Variants in RCAN2 observed in about 807,000 individuals in gnomAD.
RCAN2 encodes the protein regulator of calcineurin 2.
In RCAN2, 9 loss-of-function variants were observed where a neutral mutation model predicts 23.6. The ratio of observed to expected loss-of-function variants is 0.38; its 90% CI spans 0.23 to 0.67. The LOEUF (loss-of-function observed/expected upper bound fraction) is 0.67. RCAN2 is among the 30% of genes least tolerant of loss of function. The pLI, the probability that RCAN2 is intolerant of heterozygous loss-of-function variation, is 0.51. For synonymous variants in RCAN2, 109 were observed against 115.7 expected (o/e 0.94, Z 0.37); for missense variants, 273 against 302.3 (o/e 0.90, Z 0.72).
chr6:46,263,475 A>G (rs200252161), intron 2 of RCAN2, among the ~76,000 whole-genome samples: 18 of 138,888 alleles, frequency 1.3e-4, no homozygotes, highest in South Asian at 2.4e-4. Context: ...GTGTGTGTGT[A>G]TGTGTGTGTG....
chr6:46,245,039 G>A (rs1766466037), intron 4 of RCAN2, among the ~76,000 whole-genome samples: 1 of 152,238 alleles, frequency 6.6e-6, no homozygotes, highest in Non-Finnish European at 1.5e-5. Flanking sequence ...CAGTGTTTAA[G>A]CATATCACAC....
intron 2 of RCAN2, among the ~76,000 whole-genome samples, chr6:46,391,492 C>T (rs1342491323): frequency 6.6e-6 from 1 of 152,116 alleles, no homozygotes. Context: ...ATAGATAGGG[C>T]AAGAGCCTGT....
chr6:46,225,554 T>A (rs1250809939), intron 4 of RCAN2, among the ~76,000 whole-genome samples: 3 of 152,270 alleles, frequency 2.0e-5, no homozygotes, highest in African/African-American at 4.8e-5. Flanking sequence ...CACTTTTTCA[T>A]GTGTCTGTTG....
At chr6:46,444,644 G>A (rs1767647343) in intron 2 of RCAN2, among the ~76,000 whole-genome samples, 1 of 152,162 alleles carries the variant, frequency 6.6e-6, no homozygotes, top group Non-Finnish European at 1.5e-5. Context: ...CTAAGATCCT[G>A]CCCAGTGCCA....
chr6:46,389,877 A>G (rs1162928126), intron 2 of RCAN2, among the ~76,000 whole-genome samples: 1 of 152,212 alleles, frequency 6.6e-6, no homozygotes, highest in African/African-American at 2.4e-5. Context: ...CTTTTGGAAT[A>G]AAGTCTAAAG....
chr6:46,390,320 G>C (rs1163630260), intron 2 of RCAN2, among the ~76,000 whole-genome samples: 1 of 152,186 alleles, frequency 6.6e-6, no homozygotes, highest in Non-Finnish European at 1.5e-5. Context: ...ATTGTTAATA[G>C]TCTACACATC....
intron 4 of RCAN2, among the ~76,000 whole-genome samples, chr6:46,223,560 A>C (rs1271659420): frequency 6.6e-6 from 1 of 152,200 alleles, no homozygotes; most frequent in Admixed American, 6.5e-5. Context: ...CGTAAATTTC[A>C]ACATGGTAAT....
intron 2 of RCAN2, among the ~76,000 whole-genome samples, chr6:46,296,146 C>T (rs377496779): frequency 7.1e-4 from 106 of 149,954 alleles, no homozygotes; most frequent in African/African-American, 2.5e-3. Context: ...GTTGATTTCC[C>T]GACTGGGAAA....
chr6:46,443,954 CT>C (rs1227765232), intron 2 of RCAN2, among the ~76,000 whole-genome samples: 2 of 152,186 alleles, frequency 1.3e-5, no homozygotes, highest in Non-Finnish European at 2.9e-5. Flanking sequence ...TCAGCTGATT[CT>C]GGTAAATTCA....
intron 2 of RCAN2, among the ~76,000 whole-genome samples, chr6:46,290,448 A>G (rs1172253254): frequency 6.6e-6 from 1 of 152,198 alleles, no homozygotes; most frequent in Non-Finnish European, 1.5e-5. Flanking sequence ...CACTTTGTCT[A>G]TTCTTAGTTT....
chr6:46,460,675 G>A (rs1768180048), intron 1 of RCAN2, among the ~76,000 whole-genome samples: 1 of 152,078 alleles, frequency 6.6e-6, no homozygotes, highest in African/African-American at 2.4e-5. Context: ...AATCCAGATT[G>A]GTATTTCTTG....
intron 2 of RCAN2, among the ~76,000 whole-genome samples, chr6:46,314,359 CAAAA>C (rs537111154): frequency 0.033 from 3,017 of 92,176 alleles, 89 homozygotes; most frequent in African/African-American, 0.11. Context: ...GAGACTCTGT[CAAAA>C]AAAAAAAAAA....
intron 2 of RCAN2, among the ~76,000 whole-genome samples, chr6:46,270,240 G>C (rs865824433): frequency 6.6e-6 from 1 of 152,230 alleles, no homozygotes; most frequent in Admixed American, 6.5e-5. Flanking sequence ...GGGGCAGGTA[G>C]AGCCTGCTGC....
intron 2 of RCAN2, among the ~76,000 whole-genome samples, chr6:46,307,082 G>A (rs557777843): frequency 6.6e-6 from 1 of 152,164 alleles, no homozygotes; most frequent in South Asian, 2.1e-4. Context: ...TGCAGAACTA[G>A]CTTGTGTCTA....
chr6:46,388,749 G>A (rs1027056600), intron 2 of RCAN2, among the ~76,000 whole-genome samples: 2 of 152,248 alleles, frequency 1.3e-5, no homozygotes, highest in African/African-American at 2.4e-5. Context: ...GTTCAACAAT[G>A]AAAACACATG....
intron 2 of RCAN2, chr6:46,325,596 G>A (rs765833724): frequency 8.0e-5 from 116 of 1,457,530 alleles, no homozygotes; most frequent in Non-Finnish European, 1.0e-4. Flanking sequence ...CTCTGGGGAC[G>A]GCTGGAGGCT....
At chr6:46,299,722 T>C (rs1026973492) in intron 2 of RCAN2, among the ~76,000 whole-genome samples, 1 of 152,050 alleles carries the variant, frequency 6.6e-6, no homozygotes, top group South Asian at 2.1e-4. Context: ...ATCTGGAAGA[T>C]GAAGATAAGT....
intron 2 of RCAN2, among the ~76,000 whole-genome samples, chr6:46,336,983 T>A (rs1157850970): frequency 1.4e-5 from 2 of 147,042 alleles, no homozygotes; most frequent in African/African-American, 2.5e-5. Flanking sequence ...GGGAGAAGTG[T>A]TCAAAGGAGA....
At chr6:46,346,931 A>G (rs1406310009) in intron 2 of RCAN2, among the ~76,000 whole-genome samples, 1 of 152,050 alleles carries the variant, frequency 6.6e-6, no homozygotes, top group Non-Finnish European at 1.5e-5. Flanking sequence ...GCTGGAGTGC[A>G]GTGGCGTGAT....
Sources: gnomAD v4.1 joint callset for allele counts (sites outside exome capture counted in the v4.1 genomes callset) on GRCh38, gnomAD v4.1.1 for gene constraint, MANE v1.5 for transcripts, NCBI Gene and HGNC (gene_info 2026-07-23, HGNC 2026-07-21) for gene names.